The following ZNF726 variants were observed in gnomAD, a reference collection of about 807,000 sequenced individuals.
ZNF726 encodes zinc finger protein 726.
A neutral mutation model predicts 11.6 loss-of-function variants in ZNF726; 15 were observed. The ratio of observed to expected loss-of-function variants is 1.29; its 90% confidence interval spans 0.86 to 1.99. The LOEUF (loss-of-function observed/expected upper bound fraction) is 1.99. Among genes scored for constraint, ZNF726 ranks in the 30% most tolerant of loss-of-function variants. The pLI is 0.00. For synonymous variants in ZNF726, 295 were observed against 243.6 expected, an observed-to-expected ratio of 1.21 and a Z score of -1.96; for missense variants, 890 against 725.6, an observed-to-expected ratio of 1.23 and a Z score of -2.60.
At chr19:23,925,452 A>G (rs934933990) in intron 3 of ZNF726, among the ~76,000 whole-genome samples, 2 of 152,052 alleles carry the variant, frequency 1.3e-5, no homozygotes, top group African/African-American at 4.8e-5. Flanking sequence ...TCTGCCTCCC[A>G]AAGTGCTGGG....
downstream of ZNF726, among the ~76,000 whole-genome samples, chr19:23,939,116 C>A (rs1469828871): frequency 2.0e-5 from 3 of 150,664 alleles, no homozygotes; most frequent in Admixed American, 1.3e-4. Flanking sequence ...TTTATCCCTC[C>A]CCCTTCCCAC....
intron 3 of ZNF726, among the ~76,000 whole-genome samples, chr19:23,941,612 T>C (rs1968340164): frequency 6.6e-6 from 1 of 152,244 alleles, no homozygotes; most frequent in Admixed American, 6.5e-5. Flanking sequence ...TGGACTTTTT[T>C]TCTTGGTGAT....
chr19:23,943,969 G>C (rs914589863), intron 4 of ZNF726: 14 of 155,236 alleles, frequency 9.0e-5, no homozygotes, highest in Admixed American at 2.0e-4. Context: ...AAATGTATGA[G>C]AGCAGTGGTG....
intron 3 of ZNF726, among the ~76,000 whole-genome samples, chr19:23,930,204 A>G (rs926081695): frequency 1.3e-5 from 2 of 152,320 alleles, no homozygotes; most frequent in Non-Finnish European, 1.5e-5. Flanking sequence ...ATTTAAATCA[A>G]ATATTATTGG....
chr19:23,924,042 G>A (rs1214017453), intron 3 of ZNF726: 2 of 142,904 alleles, frequency 1.4e-5, no homozygotes, highest in Non-Finnish European at 1.5e-5. Flanking sequence ...TTCTTTCTTA[G>A]CTCTTTTTTT....
intron 1 of ZNF726, among the ~76,000 whole-genome samples, chr19:23,918,399 G>A (rs1444985565): frequency 6.6e-6 from 1 of 152,162 alleles, no homozygotes; most frequent in Non-Finnish European, 1.5e-5. Context: ...GGAGATACCT[G>A]CTTATTAGGG....
At chr19:23,944,047 G>A (rs1269975899) in intron 4 of ZNF726, 1 of 152,224 alleles carries the variant, frequency 6.6e-6, no homozygotes, top group African/African-American at 2.4e-5. Flanking sequence ...TCTATTTTCT[G>A]TTTTTAATAT....
downstream of ZNF726, chr19:23,935,759 G>A (rs983085394): frequency 6.2e-5 from 11 of 176,226 alleles, no homozygotes; most frequent in Non-Finnish European, 1.3e-4. Context: ...TATTGCACCG[G>A]TAAGCATTTA....
Position 23,919,408 on chromosome 19 carries a change from C to G in ZNF726, c.39C>G (p.Phe13Leu). 1 of 1,608,056 alleles carries G rather than the reference C, an allele frequency of 6.2e-7. No homozygotes were observed. Among genetic ancestry groups the G allele is most frequent in the Non-Finnish European group, 8.5e-7 (1 of 1,176,354 alleles). Reference protein sequence around the residue: ...LLTFRDVAIEFSLEEWQCLDT... With the variant: ...LLTFRDVAIELSLEEWQCLDT... Reference sequence around the variant, plus strand: ...CATTTAGGGATGTGGCCATAGAATTCTCTCTGGAGGAGTGGCAGTGCCTGG... The same window carrying G: ...CATTTAGGGATGTGGCCATAGAATTGTCTCTGGAGGAGTGGCAGTGCCTGG... The change falls in exon 2 of 4, where the codon TTC becomes TTG. Residue 13 changes from phenylalanine (F) to leucine (L), a missense_variant. Transcript: ENST00000594466.
intron 3 of ZNF726, among the ~76,000 whole-genome samples, chr19:23,942,136 C>A (rs1387286143): frequency 1.3e-5 from 2 of 152,160 alleles, no homozygotes; most frequent in East Asian, 3.9e-4. Context: ...TTCGCTGTAT[C>A]CAAGAGGTTT....
chr19:23,930,913 A>G lies in ZNF726; in HGVS notation c.227-1430A>G, dbSNP rs1599465891. 3.3e-5 allele frequency among the ~76,000 whole-genome samples: 5 copies of G among 152,330 alleles called. No individual in the cohort carries two copies. The South Asian group carries it at 1.0e-3, about 32-fold the overall frequency. On this transcript the variant is annotated intron_variant, in intron 3 of 3. Transcript: ENST00000594466. ...ACATTGTAATGCAACATATTGCTAA[A>G]ATGTTTCTATCTTGCAAAGCTAAAT...
At chr19:23,935,438 A>G (rs1968213642), downstream of ZNF726, 1 of 518,850 alleles carries the variant, frequency 1.9e-6, no homozygotes, top group Non-Finnish European at 3.9e-6. Context: ...CAGATAAGAT[A>G]ACTCATATTG....
At chr19:23,923,392 T>C (rs1967901043) in intron 3 of ZNF726, 1 of 412,732 alleles carries the variant, frequency 2.4e-6, no homozygotes, top group Non-Finnish European at 4.7e-6. Flanking sequence ...TTTATTGCCA[T>C]ACAATAGATG....
Position 23,932,434 on chromosome 19 carries a change from T to C in ZNF726, c.318T>C (p.Cys106=). The C allele has an allele frequency of 6.4e-7, 1 of 1,568,802 alleles. No individual in the cohort carries two copies. The highest frequency in any genetic ancestry group is 8.6e-7 in the Non-Finnish European group (1 of 1,161,624). The change falls in exon 4 of 4, where the codon TGT becomes TGC. Residue 106 remains cysteine, a synonymous_variant. Coordinates refer to ENST00000594466, the MANE Select transcript of ZNF726 (RefSeq NM_001244038.2). ...QKVILRRFEK[C]GHENLQLRKG... ...TAATACTAAGAAGATTTGAAAAATG[T>C]GGACATGAGAATTTACAGTTAAGAA...
rs1249820023 is a variant in ZNF726, at chr19:23,933,951, A to G, written c.1835A>G (p.Lys612Arg). The G allele has an allele frequency of 6.3e-7, 1 of 1,579,252 alleles. No homozygotes were observed. Among genetic ancestry groups the G allele is most frequent in the Non-Finnish European group, 8.6e-7 (1 of 1,162,184 alleles). Reference protein sequence around the residue: ...FIWSSTLFKHKRIHT With the variant: ...FIWSSTLFKHRRIHT Reference sequence around the variant, plus strand: ...TGGTCCTCAACCCTTTTTAAGCATAAGAGGATTCATACTTGAGAGAAACCT... The same window carrying G: ...TGGTCCTCAACCCTTTTTAAGCATAGGAGGATTCATACTTGAGAGAAACCT... The change falls in exon 4 of 4, where the codon AAG becomes AGG. Residue 612 changes from lysine to arginine, a missense_variant. Coordinates refer to ENST00000594466, the MANE Select transcript of ZNF726 (RefSeq NM_001244038.2).
rs775212957 is a variant in ZNF726 at position 23,932,820 on chromosome 19, G to T, written c.704G>T (p.Gly235Val). ...EEKPYKCEEY[G>V]KAFNQSSNYT... ...AAGCCCTACAAATGTGAAGAATATG[G>T]CAAAGCTTTTAATCAATCCTCAAAT... Residue 235 changes from glycine to valine, a missense_variant, in exon 4 of 4, where the codon GGC (glycine) becomes GTC (valine). Transcript: ENST00000594466. 1 of 1,608,202 alleles carries T rather than the reference G, an allele frequency of 6.2e-7. No individual in the cohort carries two copies. Among genetic ancestry groups the T allele is most frequent in the Non-Finnish European group, 8.5e-7 (1 of 1,177,410 alleles).
downstream of ZNF726, among the ~76,000 whole-genome samples, chr19:23,937,324 C>T (rs1372833000): frequency 4.0e-5 from 6 of 151,694 alleles, no homozygotes; most frequent in East Asian, 2.0e-4. Context: ...GGCTAGCGGG[C>T]GGAGACCCTC....
intron 1 of ZNF726, 61 bp from the exon 2 acceptor site, chr19:23,919,312 C>A: frequency 1.3e-6 from 2 of 1,579,648 alleles, no homozygotes; most frequent in South Asian, 1.1e-5. Flanking sequence ...TACCTTGAGT[C>A]AAATGAAAAA....
intron 3 of ZNF726, 129 bp from the exon 4 acceptor site, chr19:23,932,214 G>A: frequency 1.7e-6 from 1 of 604,084 alleles, no homozygotes; most frequent in Non-Finnish European, 2.5e-6. Flanking sequence ...GTCTATGAAA[G>A]AATTAGGGTC....
Sources: allele counts gnomAD v4.1 joint callset (sites outside exome capture counted in the v4.1 genomes callset), GRCh38; gene constraint gnomAD v4.1.1; transcripts MANE v1.5; gene names NCBI Gene and HGNC (gene_info 2026-07-23, HGNC 2026-07-21).